The following ARMH3 variants were observed in gnomAD, a reference collection of about 807,000 sequenced individuals.
ARMH3 encodes armadillo-like helical domain-containing protein 3.
ARMH3 carries 60 observed loss-of-function variants against 99.1 expected under a neutral mutation model. The observed-to-expected ratio is 0.61, with a 90% confidence interval of 0.49 to 0.75. The LOEUF is 0.75. Among genes scored for constraint, ARMH3 ranks in the 30% least tolerant of loss-of-function variants. The pLI is 0.00. For synonymous variants in ARMH3, 285 were observed against 292.8 expected, an observed-to-expected ratio of 0.97 and a Z score of 0.27; for missense variants, 679 against 843.1, an observed-to-expected ratio of 0.81 and a Z score of 2.41.
chr10:102,014,619 C>T (rs1241718320), intron 8 of ARMH3, among the ~76,000 whole-genome samples: 1 of 152,092 alleles, frequency 6.6e-6, no homozygotes, highest in Non-Finnish European at 1.5e-5. Flanking sequence ...ACCCAAATAA[C>T]ACTGCAGGGA....
At chr10:101,991,102 A>G (rs1846769426) in intron 18 of ARMH3, among the ~76,000 whole-genome samples, 1 of 152,194 alleles carries the variant, frequency 6.6e-6, no homozygotes, top group African/African-American at 2.4e-5. Context: ...GGGTCAAGAG[A>G]GGCTTATTAT....
intron 23 of ARMH3, among the ~76,000 whole-genome samples, chr10:101,927,277 C>T (rs951481113): frequency 6.6e-6 from 1 of 152,110 alleles, no homozygotes; most frequent in Admixed American, 6.5e-5. Context: ...CAAGTGCAAA[C>T]CCAAGGCCTC....
chr10:101,979,974 TC>T (rs2135946621), intron 19 of ARMH3, among the ~76,000 whole-genome samples: 1 of 152,330 alleles, frequency 6.6e-6, no homozygotes, highest in Admixed American at 6.5e-5. Context: ...ATTCTAAGTC[TC>T]ACTTTGTCAT....
intron 9 of ARMH3, 58 bp downstream of exon 9, chr10:102,013,910 A>G (rs2066684543): frequency 1.4e-6 from 2 of 1,387,058 alleles, no homozygotes; most frequent in African/African-American, 2.9e-5. Context: ...ACTTTCACTG[A>G]AAGTAATACC....
At chr10:101,959,741 C>T (rs757697877) in intron 20 of ARMH3, among the ~76,000 whole-genome samples, 6 of 152,166 alleles carry the variant, frequency 3.9e-5, no homozygotes, top group Non-Finnish European at 5.9e-5. Context: ...CAGGCATTAG[C>T]GGAGCCAGAG....
intron 23 of ARMH3, among the ~76,000 whole-genome samples, chr10:101,914,298 C>T (rs1336131507): frequency 6.6e-6 from 1 of 151,446 alleles, no homozygotes; most frequent in Non-Finnish European, 1.5e-5. Flanking sequence ...ACCAGCCTGG[C>T]CAACATAGTG....
intron 18 of ARMH3, among the ~76,000 whole-genome samples, chr10:101,991,011 C>A (rs554312618): frequency 1.3e-5 from 2 of 152,234 alleles, no homozygotes; most frequent in African/African-American, 2.4e-5. Context: ...AGAGACTCAG[C>A]TCTAAAGCTA....
intron 8 of ARMH3, among the ~76,000 whole-genome samples, chr10:102,015,300 G>C (rs766324223): frequency 2.0e-5 from 3 of 152,018 alleles, no homozygotes; most frequent in Non-Finnish European, 4.4e-5. Flanking sequence ...CTGCCATGAT[G>C]AGAGTAACAC....
intron 13 of ARMH3, among the ~76,000 whole-genome samples, chr10:102,007,175 A>G (rs1042572988): frequency 1.0e-4 from 15 of 149,752 alleles, no homozygotes; most frequent in Admixed American, 2.0e-4. Flanking sequence ...AAAAAAAAAA[A>G]AAAGAAAAAA....
At chr10:101,967,407 G>A (rs977845201) in intron 20 of ARMH3, among the ~76,000 whole-genome samples, 3 of 152,156 alleles carry the variant, frequency 2.0e-5, no homozygotes, top group African/African-American at 7.2e-5. Flanking sequence ...GAGTGGTGCA[G>A]GAGAGAATCT....
intron 22 of ARMH3, among the ~76,000 whole-genome samples, chr10:101,943,712 A>G (rs1844343676): frequency 6.6e-6 from 1 of 152,160 alleles, no homozygotes; most frequent in Non-Finnish European, 1.5e-5. Flanking sequence ...AAAATCAGTC[A>G]GTAGAAACAG....
intron 1 of ARMH3, among the ~76,000 whole-genome samples, chr10:102,043,289 G>A (rs1004261761): frequency 2.6e-5 from 4 of 152,094 alleles, no homozygotes; most frequent in Admixed American, 6.6e-5. Context: ...CAACCAACTC[G>A]GTGACATGGA....
At chr10:102,008,633 A>G (rs1309064320) in intron 13 of ARMH3, among the ~76,000 whole-genome samples, 1 of 152,022 alleles carries the variant, frequency 6.6e-6, no homozygotes, top group East Asian at 1.9e-4. Flanking sequence ...GCTCACTGCA[A>G]GCTCTGCCTC....
intron 1 of ARMH3, among the ~76,000 whole-genome samples, chr10:102,042,555 A>T (rs2067447897): frequency 6.6e-6 from 1 of 152,210 alleles, no homozygotes; most frequent in Non-Finnish European, 1.5e-5. Flanking sequence ...GCAGCAGGAA[A>T]ATCAGCCAAG....
At chr10:102,032,828 G>T in intron 4 of ARMH3, 198 bp downstream of exon 4, 1 of 543,612 alleles carries the variant, frequency 1.8e-6, no homozygotes. Flanking sequence ...TATACAAATG[G>T]ATACGATTAC....
intron 20 of ARMH3, among the ~76,000 whole-genome samples, chr10:101,963,193 A>G (rs1460274907): frequency 6.8e-6 from 1 of 146,332 alleles, no homozygotes; most frequent in African/African-American, 2.6e-5. Flanking sequence ...CCGAGGCTGG[A>G]GTGCAGTGGC....
At chr10:102,004,689 A>G (rs886696123) in intron 14 of ARMH3, among the ~76,000 whole-genome samples, 27 of 152,322 alleles carry the variant, frequency 1.8e-4, no homozygotes, top group African/African-American at 6.0e-4. Context: ...ATTCTTAAAG[A>G]GAAAGTACTG....
chr10:101,894,595 G>A (rs950612276), intron 23 of ARMH3, among the ~76,000 whole-genome samples: 10 of 152,162 alleles, frequency 6.6e-5, no homozygotes, highest in African/African-American at 2.2e-4. Flanking sequence ...AAGGCACCAC[G>A]TTTATAGATG....
At chr10:101,953,771 T>G (rs1464655520) in intron 22 of ARMH3, among the ~76,000 whole-genome samples, 2 of 152,138 alleles carry the variant, frequency 1.3e-5, no homozygotes, top group Non-Finnish European at 2.9e-5. Flanking sequence ...TTTCATGCAT[T>G]GCTGGAGAGA....
Sources: allele counts gnomAD v4.1 joint callset (sites outside exome capture counted in the v4.1 genomes callset), GRCh38; gene constraint gnomAD v4.1.1; transcripts MANE v1.5; gene names NCBI Gene and HGNC (gene_info 2026-07-23, HGNC 2026-07-21).